SCN11A: variants seen among roughly 807,000 people sequenced by gnomAD.
SCN11A encodes sodium channel protein type 11 subunit alpha.
A neutral mutation model predicts 162.2 loss-of-function variants in SCN11A; 122 were observed. The observed-to-expected ratio is 0.75, with a 90% CI of 0.65 to 0.87. The LOEUF is 0.87. Ranked by LOEUF, SCN11A falls within the 40% of genes least tolerant of loss-of-function variation. The pLI, the probability that SCN11A is intolerant of heterozygous loss-of-function variation, is 0.00. For synonymous variants in SCN11A, 758 were observed against 751.5 expected (o/e 1.01, Z -0.14); for missense variants, 2,015 against 2,181.6 (o/e 0.92, Z 1.52).
At chr3:38,922,362 A>G (rs1229911433) in intron 9 of SCN11A, among the ~76,000 whole-genome samples, 3 of 152,372 alleles carry the variant, frequency 2.0e-5, no homozygotes, top group Non-Finnish European at 4.4e-5. Context: ...ATTTTAATCT[A>G]TAACAAGAGG....
chr3:38,850,270 T>C (rs2126079131), intron 29 of SCN11A: 1 of 546,802 alleles, frequency 1.8e-6, no homozygotes, highest in Non-Finnish European at 3.2e-6. Flanking sequence ...CTATTTCAGT[T>C]GTGTAGTGAG....
At chr3:38,883,745 T>C (rs2065349087) in intron 21 of SCN11A, among the ~76,000 whole-genome samples, 1 of 152,222 alleles carries the variant, frequency 6.6e-6, no homozygotes, top group Non-Finnish European at 1.5e-5. Context: ...TGTTGCCCTG[T>C]TGAGCCCAGG....
intron 9 of SCN11A, among the ~76,000 whole-genome samples, chr3:38,923,030 G>A (rs2066079432): frequency 1.3e-5 from 2 of 151,728 alleles, no homozygotes; most frequent in South Asian, 2.1e-4. Context: ...GGGAAGGAGA[G>A]GAAAAGGGTG....
intron 25 of SCN11A, among the ~76,000 whole-genome samples, chr3:38,871,111 T>C (rs1045067646): frequency 6.6e-6 from 1 of 152,210 alleles, no homozygotes; most frequent in Admixed American, 6.5e-5. Context: ...CAACTGTGCT[T>C]TAAACAGGGA....
chr3:38,896,960 C>T lies in SCN11A; in HGVS notation c.2288G>A (p.Arg763His), dbSNP rs372078622. The change falls in exon 18 of 30, where the codon CGC becomes CAC. Residue 763 changes from arginine to histidine, a missense_variant. Transcript: ENST00000302328. The part of the protein sequence containing the change: ...DFWHSFLVVF[R>H]ILCGEWIENM... ...TTCGATCCATTCCCCGCAGAGGATG[C>T]GGAATACCACTAGGAAGGAGTGCCA... The T allele has an allele frequency of 1.0e-4, 165 of 1,614,060 alleles. No homozygotes were observed. The highest frequency in any genetic ancestry group is 1.2e-4 in the Non-Finnish European group (146 of 1,180,018).
rs1055188884 is a variant in SCN11A at position 38,847,576 on chromosome 3, G to T, written c.4494C>A (p.Phe1498Leu). Residue 1498 changes from phenylalanine (F) to leucine (L), a missense_variant, in exon 30 of 30, where the codon TTC becomes TTA. Coordinates refer to ENST00000302328, the MANE Select transcript of SCN11A (RefSeq NM_001349253.2). ...FALMMSLPSL[F>L]NIGLLLFLIM... ...TCAGAAAGAGTAGAAGACCAATGTT[G>T]AACAGAGAAGGAAGCGACATCATCA... 1 of 1,614,058 alleles carries T rather than the reference G, an allele frequency of 6.2e-7. No homozygotes were observed. Among genetic ancestry groups the T allele is most frequent in the Non-Finnish European group, 8.5e-7 (1 of 1,180,040 alleles).
chr3:38,896,857 T>C lies in SCN11A; in HGVS notation c.2391A>G (p.Ile797Met). 1.3e-6 allele frequency: 2 copies of C among 1,560,046 alleles called. No homozygotes were observed. The highest frequency in any genetic ancestry group is 1.7e-6 in the Non-Finnish European group (2 of 1,149,992). ...CVIVFILITV[I>M]GKLVVLNLFI... ...CTAAGACACATACCACAAGTTTTCC[T>C]ATCACCGTGATCAATATGAAGACAA... Residue 797 changes from isoleucine (I) to methionine (M), a missense_variant, in exon 18 of 30, where the codon ATA (isoleucine) becomes ATG (methionine). By Grantham distance (10) the Ile-to-Met change is conservative (BLOSUM62 1). Coordinates refer to ENST00000302328, the MANE Select transcript of SCN11A (RefSeq NM_001349253.2).
chr3:38,884,222 T>C, intron 21 of SCN11A, among the ~76,000 whole-genome samples: 1 of 152,186 alleles, frequency 6.6e-6, no homozygotes, highest in East Asian at 1.9e-4. Flanking sequence ...CTACACTTTT[T>C]TCCTGGCTTT....
At chr3:39,014,895 A>T (rs1403808323) in intron 2 of SCN11A, among the ~76,000 whole-genome samples, 1 of 152,218 alleles carries the variant, frequency 6.6e-6, no homozygotes, top group Non-Finnish European at 1.5e-5. Flanking sequence ...ATGATATAGT[A>T]TGAGGGGCTC....
chr3:38,986,969 G>C (rs4381879), intron 2 of SCN11A, among the ~76,000 whole-genome samples: 71,487 of 151,854 alleles, frequency 0.47, 20,867 homozygotes, highest in African/African-American at 0.83. Context: ...ACCCCTACCC[G>C]TTTCTTTCCG....
In SCN11A at chr3:38,846,021, T is replaced by C. The variant is rs767842335; in HGVS notation, c.*673A>G. 6.6e-6 allele frequency: 1 copy of C among 152,236 alleles called. No homozygotes were observed. The highest frequency in any genetic ancestry group is 1.5e-5 in the Non-Finnish European group (1 of 68,038). 9.4% of individuals were successfully genotyped at this position (152,236 alleles called of 1,614,324 possible). A position where few individuals can be genotyped will look rare whatever the true frequency, so the allele number is the denominator to read the frequency against. ...GCATCAGGAAAATATCAAACAAAAATGATGTATCTAGAAACATAGAAAATA... is the reference window on the plus strand; with the variant it reads ...GCATCAGGAAAATATCAAACAAAAACGATGTATCTAGAAACATAGAAAATA... On this transcript the variant is annotated 3_prime_UTR_variant, in exon 30 of 30. Coordinates refer to ENST00000302328, the MANE Select transcript of SCN11A (RefSeq NM_001349253.2).
At chr3:38,918,012 C>T (rs1022179408) in intron 11 of SCN11A, among the ~76,000 whole-genome samples, 3 of 152,014 alleles carry the variant, frequency 2.0e-5, no homozygotes, top group Non-Finnish European at 2.9e-5. Context: ...ACACTTGATT[C>T]ATTTTGTGTC....
At chr3:38,996,274 C>A (rs901632220) in intron 2 of SCN11A, among the ~76,000 whole-genome samples, 2 of 152,162 alleles carry the variant, frequency 1.3e-5, no homozygotes, top group Non-Finnish European at 2.9e-5. Context: ...AGAGAAAATA[C>A]AGTCAAAAGA....
rs539225783 is a variant in SCN11A, at chr3:38,915,207, G to T, written c.959+4728C>A. 6.6e-5 allele frequency among the ~76,000 whole-genome samples: 10 copies of T among 152,196 alleles called. No homozygotes were observed. The South Asian group carries it at 1.9e-3, about 28-fold the overall frequency. On this transcript the variant is annotated intron_variant, in intron 11 of 29. Transcript: ENST00000302328. Reference sequence around the variant, plus strand: ...CTTCCCAGTTCAGTCTTGGCAGGGTGTTTGTGTCCAGGTATTTTTAGTTTG... The same window carrying T: ...CTTCCCAGTTCAGTCTTGGCAGGGTTTTTGTGTCCAGGTATTTTTAGTTTG...
intron 16 of SCN11A, among the ~76,000 whole-genome samples, chr3:38,900,331 A>C (rs2126121367): frequency 6.6e-6 from 1 of 152,292 alleles, no homozygotes; most frequent in Non-Finnish European, 1.5e-5. Flanking sequence ...GAAAATGAAT[A>C]TTATTTCTCA....
chr3:38,880,811 A>T (rs1355494192), intron 22 of SCN11A, among the ~76,000 whole-genome samples: 1 of 152,200 alleles, frequency 6.6e-6, no homozygotes, highest in Non-Finnish European at 1.5e-5. Flanking sequence ...TTTTAATGCT[A>T]CATCCAAACA....
chr3:38,938,853 C>T (rs911977507), intron 7 of SCN11A, among the ~76,000 whole-genome samples: 2 of 151,586 alleles, frequency 1.3e-5, no homozygotes, highest in East Asian at 2.0e-4. Flanking sequence ...CGGTGAGCCA[C>T]GGCGCCCGGC....
chr3:38,980,812 T>C (rs996133126), intron 2 of SCN11A, among the ~76,000 whole-genome samples: 2 of 152,186 alleles, frequency 1.3e-5, no homozygotes, highest in Non-Finnish European at 2.9e-5. Flanking sequence ...GGGCAGCTTT[T>C]CCCCAACATC....
At chr3:38,934,816 C>CA (rs2066303504) in intron 7 of SCN11A, among the ~76,000 whole-genome samples, 1 of 152,026 alleles carries the variant, frequency 6.6e-6, no homozygotes, top group Non-Finnish European at 1.5e-5. Flanking sequence ...TTAGACAGAT[C>CA]AACGAGACAG....
Sources: allele counts gnomAD v4.1 joint callset (sites outside exome capture counted in the v4.1 genomes callset), GRCh38; gene constraint gnomAD v4.1.1; transcripts MANE v1.5; gene names NCBI Gene and HGNC (gene_info 2026-07-23, HGNC 2026-07-21).